Variants in ADGRL3 observed in about 807,000 individuals in gnomAD.
The protein encoded by ADGRL3 is adhesion G protein-coupled receptor L3, also known as calcium-independent alpha-latrotoxin receptor 3.
In ADGRL3, 62 loss-of-function variants were observed where a neutral mutation model predicts 153.5. That is an observed-to-expected ratio of 0.40 (90% confidence interval 0.33 to 0.50). ADGRL3 has a LOEUF of 0.50. ADGRL3 is among the 20% of genes least tolerant of loss of function. ADGRL3 has a pLI of 0.47. For synonymous variants in ADGRL3, 710 were observed against 672.5 expected, an observed-to-expected ratio of 1.06 and a Z score of -0.86; for missense variants, 1,641 against 1,859.4, an observed-to-expected ratio of 0.88 and a Z score of 2.16.
intron 1 of ADGRL3, among the ~76,000 whole-genome samples, chr4:61,305,150 TG>T (rs2094727991): frequency 6.6e-6 from 1 of 151,962 alleles, no homozygotes; most frequent in South Asian, 2.1e-4. Flanking sequence ...CTGAATTCTT[TG>T]GAACAGCAGA....
chr4:61,554,210 T>C (rs944572562), intron 4 of ADGRL3, among the ~76,000 whole-genome samples: 3 of 151,756 alleles, frequency 2.0e-5, no homozygotes, highest in Non-Finnish European at 4.4e-5. Context: ...TATTCATTTT[T>C]TGAGACAGAG....
chr4:61,351,202 T>G (rs2151318617), intron 1 of ADGRL3, among the ~76,000 whole-genome samples: 1 of 152,316 alleles, frequency 6.6e-6, no homozygotes, highest in African/African-American at 2.4e-5. Context: ...AGCCAAAGCC[T>G]AATCCAGGGG....
At chr4:61,926,214 T>TCCC (rs1256102149) in intron 13 of ADGRL3, among the ~76,000 whole-genome samples, 15 of 152,182 alleles carry the variant, frequency 9.9e-5, no homozygotes, top group African/African-American at 3.6e-4. Context: ...ACCAGCATGG[T>TCCC]ATACATGGTC....
chr4:61,621,581 A>C (rs2149839838), intron 5 of ADGRL3, among the ~76,000 whole-genome samples: 1 of 152,246 alleles, frequency 6.6e-6, no homozygotes, highest in South Asian at 2.1e-4. Flanking sequence ...CCTCTTCATT[A>C]TCTTTTTAAA....
chr4:61,835,504 C>T (rs6845019), intron 9 of ADGRL3, among the ~76,000 whole-genome samples: 47,061 of 151,692 alleles, frequency 0.31, 8,904 homozygotes, highest in East Asian at 0.62. Context: ...TGATGTTTAA[C>T]CATAGTGCTC....
intron 8 of ADGRL3, among the ~76,000 whole-genome samples, chr4:61,809,029 A>G (rs1300969454): frequency 1.3e-5 from 2 of 152,164 alleles, no homozygotes; most frequent in South Asian, 2.1e-4. Flanking sequence ...TATTGTCTTT[A>G]AAGAGCAGAA....
intron 2 of ADGRL3, among the ~76,000 whole-genome samples, chr4:61,410,783 A>G (rs888044186): frequency 6.6e-6 from 1 of 152,086 alleles, no homozygotes; most frequent in East Asian, 1.9e-4. Context: ...CCAAGGAGTC[A>G]CCTCCTTGCC....
intron 1 of ADGRL3, among the ~76,000 whole-genome samples, chr4:61,246,182 GTGAAAGGGTGGGGCCC>G (rs1757006797): frequency 6.6e-6 from 1 of 152,016 alleles, no homozygotes; most frequent in South Asian, 2.1e-4. Flanking sequence ...TTGTTATGTA[GTGAAAGGGTGGGGCCC>G]TTAGCTCACA....
chr4:61,565,091 G>A (rs1298438669), intron 4 of ADGRL3, among the ~76,000 whole-genome samples: 1 of 152,148 alleles, frequency 6.6e-6, no homozygotes, highest in East Asian at 1.9e-4. Context: ...GTGAGCACAT[G>A]CCATTGGAAA....
At chr4:61,872,527 A>G (rs1677055632) in intron 9 of ADGRL3, among the ~76,000 whole-genome samples, 1 of 151,502 alleles carries the variant, frequency 6.6e-6, no homozygotes, top group South Asian at 2.1e-4. Context: ...GACACTAAAG[A>G]TATATAATTT....
chr4:61,850,689 C>A (rs1265376146), intron 9 of ADGRL3, among the ~76,000 whole-genome samples: 1 of 152,102 alleles, frequency 6.6e-6, no homozygotes, highest in Admixed American at 6.5e-5. Flanking sequence ...AATTGATATT[C>A]TATTTCGGCA....
intron 9 of ADGRL3, among the ~76,000 whole-genome samples, chr4:61,854,018 A>G (rs2098237240): frequency 6.6e-6 from 1 of 152,180 alleles, no homozygotes; most frequent in Non-Finnish European, 1.5e-5. Context: ...ATTTGCAGAT[A>G]TGGTTTAGTT....
intron 2 of ADGRL3, among the ~76,000 whole-genome samples, chr4:61,494,347 A>G (rs979516663): frequency 6.6e-6 from 1 of 152,106 alleles, no homozygotes; most frequent in African/African-American, 2.4e-5. Flanking sequence ...TGACTCTCGT[A>G]TACTCCATGG....
At chr4:61,448,666 T>C (rs1447613890) in intron 2 of ADGRL3, among the ~76,000 whole-genome samples, 4 of 150,338 alleles carry the variant, frequency 2.7e-5, no homozygotes, top group Non-Finnish European at 5.9e-5. Context: ...ATTAGAAGTT[T>C]AAGGGGCAAA....
rs537734592 is a variant in ADGRL3 at position 61,961,586 on chromosome 4, A to G, written c.2805+13310A>G. ...CATTTCTGATGAAGTTGTTGTGAAT[A>G]GGAAAAAATCATCGGAGGAAGAAGA... On this transcript the variant is annotated intron_variant, in intron 17 of 26. Coordinates refer to ENST00000683033, the MANE Select transcript of ADGRL3 (RefSeq NM_001387552.1). Among the ~76,000 whole-genome samples, 4 of 152,320 alleles carry G rather than the reference A, an allele frequency of 2.6e-5. No homozygotes were observed. The South Asian group carries it at 8.3e-4, about 32-fold the overall frequency.
intron 8 of ADGRL3, among the ~76,000 whole-genome samples, chr4:61,801,948 T>A (rs1031224632): frequency 2.6e-5 from 4 of 152,196 alleles, no homozygotes; most frequent in African/African-American, 9.6e-5. Context: ...TGATTTACCA[T>A]GTTTTTTATT....
intron 5 of ADGRL3, among the ~76,000 whole-genome samples, chr4:61,642,609 G>A (rs150525210): frequency 0.37 from 56,095 of 151,796 alleles, 12,025 homozygotes; most frequent in Non-Finnish European, 0.5. Flanking sequence ...GATATGCGGC[G>A]TTATTTCTGA....
At chr4:61,927,000 C>T (rs1428611143) in intron 13 of ADGRL3, among the ~76,000 whole-genome samples, 2 of 152,176 alleles carry the variant, frequency 1.3e-5, no homozygotes, top group South Asian at 2.1e-4. Flanking sequence ...TTGGAATTCT[C>T]CTACTTCATG....
chr4:61,282,469 T>A (rs1489681084), intron 1 of ADGRL3, among the ~76,000 whole-genome samples: 1 of 152,056 alleles, frequency 6.6e-6, no homozygotes, highest in Non-Finnish European at 1.5e-5. Context: ...TCATTTTGTG[T>A]ATGGGTTTTT....
Sources: allele counts gnomAD v4.1 joint callset (sites outside exome capture counted in the v4.1 genomes callset), GRCh38; gene constraint gnomAD v4.1.1; transcripts MANE v1.5; gene names NCBI Gene and HGNC (gene_info 2026-07-23, HGNC 2026-07-21).